Variants in LRRC58 observed in about 807,000 individuals in gnomAD.
The protein encoded by LRRC58 is leucine-rich repeat-containing protein 58.
LRRC58 carries 18 observed loss-of-function variants against 30.6 expected under a neutral mutation model. The ratio of observed to expected loss-of-function variants is 0.59; its 90% CI spans 0.41 to 0.87. LRRC58 has a LOEUF of 0.87. Among genes scored for constraint, LRRC58 ranks in the 40% least tolerant of loss-of-function variants. The pLI is 0.00. For synonymous variants in LRRC58, 221 were observed against 206.0 expected (o/e 1.07, Z -0.62); for missense variants, 420 against 468.4 (o/e 0.90, Z 0.95).
Position 120,330,717 on chromosome 3 carries a change from G to T in LRRC58, c.*483C>A, listed in dbSNP as rs1356104044. Reference sequence around the variant, plus strand: ...TAGACATACAGGCAATTAGAAAAGGGAGGGTTAATCCTGTTTATGGCATAT... The same window carrying T: ...TAGACATACAGGCAATTAGAAAAGGTAGGGTTAATCCTGTTTATGGCATAT... On this transcript the variant is annotated 3_prime_UTR_variant, in exon 4 of 4. Transcript: ENST00000295628. 6.5e-6 allele frequency: 1 copy of T among 153,186 alleles called. No individual in the cohort carries two copies. Among genetic ancestry groups the T allele is most frequent in the Admixed American group, 6.5e-5 (1 of 15,448 alleles). The allele number at this position is 153,186 out of a possible 1,614,324, so 9.5% of individuals were successfully genotyped here.
At chr3:120,342,849 GC>G (rs1299418888) in intron 1 of LRRC58, among the ~76,000 whole-genome samples, 1 of 152,190 alleles carries the variant, frequency 6.6e-6, no homozygotes, top group Admixed American at 6.5e-5. Flanking sequence ...CAGGAAGAAA[GC>G]CCTCACCAGA....
At position 120,349,067 on chromosome 3, in the gene LRRC58, C is replaced by G; in HGVS notation, c.177G>C (p.Leu59=). ...LLLPHNRLVS[L]PRALGSGFPH... The stretch of plus-strand genomic sequence containing the variant: ...GGAAGCCGCTGCCCAGCGCCCGTGG[C>G]AGCGACACCAGACGGTTGTGAGGCA... The change falls in exon 1 of 4, where the codon CTG becomes CTC. Residue 59 remains leucine (L), a synonymous_variant. Coordinates refer to ENST00000295628, the MANE Select transcript of LRRC58 (RefSeq NM_001099678.2). 2.6e-6 allele frequency: 4 copies of G among 1,518,480 alleles called. No homozygotes were observed. The highest frequency in any genetic ancestry group is 3.5e-6 in the Non-Finnish European group (4 of 1,141,662). The allele number at this position is 1,518,480 out of a possible 1,614,324, so 94.1% of individuals were successfully genotyped here.
chr3:120,346,737 G>T (rs910225916), intron 1 of LRRC58, among the ~76,000 whole-genome samples: 1 of 152,054 alleles, frequency 6.6e-6, no homozygotes, highest in Admixed American at 6.5e-5. Flanking sequence ...CCATTTCTTA[G>T]CATTTCTCCT....
intron 1 of LRRC58, among the ~76,000 whole-genome samples, chr3:120,340,820 C>T (rs1011795550): frequency 2.0e-5 from 3 of 152,152 alleles, no homozygotes; most frequent in African/African-American, 7.2e-5. Flanking sequence ...TTGCTTGAAC[C>T]TGGGAGGCAG....
chr3:120,347,379 CTTTTTTTT>C (rs796116731), intron 1 of LRRC58, among the ~76,000 whole-genome samples: 16 of 54,852 alleles, frequency 2.9e-4, no homozygotes, highest in East Asian at 2.8e-3. Context: ...GGCCAATATT[CTTTTTTTT>C]TTTTTTTTTT....
At chr3:120,338,939 A>T (rs192231680) in intron 1 of LRRC58, among the ~76,000 whole-genome samples, 3 of 152,230 alleles carry the variant, frequency 2.0e-5, no homozygotes, top group African/African-American at 7.2e-5. Context: ...AGCAGACTGG[A>T]GCCTAATCCA....
chr3:120,327,888 G>A lies in LRRC58; in HGVS notation c.*3312C>T, dbSNP rs574140300. The stretch of plus-strand genomic sequence containing the variant: ...AGCCTCCGGAGTTAGCTGGGACTAT[G>A]GGTGTGCGTCACAACGCCCGGCTAA... On this transcript the variant is annotated 3_prime_UTR_variant, in exon 4 of 4. Transcript: ENST00000295628. The A allele has an allele frequency of 6.6e-6, 1 of 152,150 alleles. No individual in the cohort carries two copies. Among genetic ancestry groups the A allele is most frequent in the Admixed American group, 6.5e-5 (1 of 15,282 alleles). The allele number at this position is 152,150 out of a possible 1,614,324, so 9.4% of individuals were successfully genotyped here.
In LRRC58 at chr3:120,331,143, C is replaced by G; in HGVS notation, c.*57G>C. 1 of 1,443,624 alleles carries G rather than the reference C, an allele frequency of 6.9e-7. No individual in the cohort carries two copies. The highest frequency in any genetic ancestry group is 9.7e-7 in the Non-Finnish European group (1 of 1,027,758). The allele number at this position is 1,443,624 out of a possible 1,614,324, so 89.4% of individuals were successfully genotyped here. On this transcript the variant is annotated 3_prime_UTR_variant, in exon 4 of 4. Coordinates refer to ENST00000295628, the MANE Select transcript of LRRC58 (RefSeq NM_001099678.2). Reference sequence around the variant, plus strand: ...TCTAGTGAACTTCAAGCTCTATTTTCTTGTCTAACCATTTTGCTCAGTTTT... The same window carrying G: ...TCTAGTGAACTTCAAGCTCTATTTTGTTGTCTAACCATTTTGCTCAGTTTT...
intron 1 of LRRC58, among the ~76,000 whole-genome samples, chr3:120,340,429 C>T (rs752670818): frequency 2.0e-4 from 31 of 152,112 alleles, no homozygotes; most frequent in Non-Finnish European, 3.8e-4. Flanking sequence ...GATGAAGTTC[C>T]TTCCTTTATC....
intron 2 of LRRC58, 69 bp from the exon 3 acceptor site, chr3:120,335,208 T>C: frequency 7.5e-7 from 1 of 1,338,238 alleles, no homozygotes; most frequent in Non-Finnish European, 1.0e-6. Context: ...TGAATATATG[T>C]GTGTATACAG....
Position 120,348,738 on chromosome 3 carries a change from G to A in LRRC58, c.500+6C>T, listed in dbSNP as rs756376804. On this transcript the variant is annotated splice_donor_region_variant and intron_variant, in intron 1 of 3. Coordinates refer to ENST00000295628, the MANE Select transcript of LRRC58 (RefSeq NM_001099678.2). ...CCTCCCCACCCTCCGGCACACACCCGCTCACCTCTGCAAGTTCTCGATCTC... is the reference window on the plus strand; with the variant it reads ...CCTCCCCACCCTCCGGCACACACCCACTCACCTCTGCAAGTTCTCGATCTC... The A allele has an allele frequency of 4.5e-6, 7 of 1,565,678 alleles. No homozygotes were observed. In the Admixed American group the frequency reaches 1.1e-4, roughly 24 times the overall value.
chr3:120,349,030 G>C lies in LRRC58; in HGVS notation c.214C>G (p.Leu72Val). 3.3e-6 allele frequency: 5 copies of C among 1,518,682 alleles called. No individual in the cohort carries two copies. The highest frequency in any genetic ancestry group is 4.4e-6 in the Non-Finnish European group (5 of 1,140,954). 94.1% of individuals were successfully genotyped at this position (1,518,682 alleles called of 1,614,324 possible). A position where few individuals can be genotyped will look rare whatever the true frequency, so the allele number is the denominator to read the frequency against. The change falls in exon 1 of 4, where the codon CTG becomes GTG. Residue 72 changes from leucine (L) to valine (V), a missense_variant. Leu to Val is a conservative substitution (Grantham distance 32). Transcript: ENST00000295628. ...AACGCGTTGCCGCTCACGTCCAGCA[G>C]CTGGAGGTGCGGGAAGCCGCTGCCC... Reference protein sequence around the residue: ...ALGSGFPHLQLLDVSGNALTA... With the variant: ...ALGSGFPHLQVLDVSGNALTA...
At chr3:120,334,809 T>G in intron 3 of LRRC58, 53 bp downstream of exon 3, 1 of 1,484,768 alleles carries the variant, frequency 6.7e-7, no homozygotes, top group Non-Finnish European at 9.1e-7. Flanking sequence ...AAGACTTAAT[T>G]AATTTAAAAA....
intron 3 of LRRC58, among the ~76,000 whole-genome samples, chr3:120,333,829 C>A (rs1198907163): frequency 6.6e-6 from 1 of 152,168 alleles, no homozygotes; most frequent in Admixed American, 6.5e-5. Context: ...ACTACTCATC[C>A]AACAGTCTGC....
intron 2 of LRRC58, 95 bp from the exon 3 acceptor site, chr3:120,335,234 T>A: frequency 9.4e-7 from 1 of 1,062,984 alleles, no homozygotes; most frequent in Non-Finnish European, 1.4e-6. Context: ...GATTTCCCCT[T>A]AAGAATGAGC....
In LRRC58 at chr3:120,349,124, G is replaced by A; in HGVS notation, c.120C>T (p.Arg40=). 2 of 1,508,376 alleles carry A rather than the reference G, an allele frequency of 1.3e-6. No individual in the cohort carries two copies. The highest frequency in any genetic ancestry group is 1.8e-6 in the Non-Finnish European group (2 of 1,136,960). The allele number at this position is 1,508,376 out of a possible 1,614,324, so 93.4% of individuals were successfully genotyped here. ...SELEARGEER[R]GAREALLRLL... is the part of the protein sequence containing the mutation. The stretch of plus-strand genomic sequence containing the variant: ...GCCGCAGCAGCGCCTCCCGCGCCCC[G>A]CGCCGCTCCTCCCCCCGCGCCTCCA... The change falls in exon 1 of 4, where the codon CGC becomes CGT. Residue 40 remains arginine (R), a synonymous_variant. Transcript: ENST00000295628.
rs77370581 is a variant in LRRC58, at chr3:120,341,264, T to C, written c.501-5311A>G. Among the ~76,000 whole-genome samples, 520 of 152,240 alleles carry C rather than the reference T, an allele frequency of 3.4e-3. 1 individual carries two copies. The highest frequency in any genetic ancestry group is 0.012 in the African/African-American group (495 of 41,520). On this transcript the variant is annotated intron_variant, in intron 1 of 3. Transcript: ENST00000295628. ...AACAGAACAGAACAGAATACAATATTTGGAGTCCAAATAACAGAAACTACT... is the reference window on the plus strand; with the variant it reads ...AACAGAACAGAACAGAATACAATATCTGGAGTCCAAATAACAGAAACTACT...
chr3:120,333,067 G>C (rs1386093179), intron 3 of LRRC58, among the ~76,000 whole-genome samples: 1 of 149,320 alleles, frequency 6.7e-6, no homozygotes, highest in Non-Finnish European at 1.5e-5. Flanking sequence ...ACTCCAGCCT[G>C]GGCAATACAG....
chr3:120,341,384 A>C (rs910345570), intron 1 of LRRC58, among the ~76,000 whole-genome samples: 1 of 152,220 alleles, frequency 6.6e-6, no homozygotes, highest in African/African-American at 2.4e-5. Flanking sequence ...TTTGATAGCT[A>C]AATAATAACT....
Sources: allele counts gnomAD v4.1 joint callset (sites outside exome capture counted in the v4.1 genomes callset), GRCh38; gene constraint gnomAD v4.1.1; transcripts MANE v1.5; gene names NCBI Gene and HGNC (gene_info 2026-07-23, HGNC 2026-07-21).